The following KLHL8 variants were observed in gnomAD, a reference collection of about 807,000 sequenced individuals.
KLHL8 encodes the protein kelch like family member 8.
KLHL8 carries 38 observed loss-of-function variants against 63.5 expected under a neutral mutation model. The ratio of observed to expected loss-of-function variants is 0.60; its 90% CI spans 0.46 to 0.78. The LOEUF (loss-of-function observed/expected upper bound fraction) is 0.78, where lower values mean the gene tolerates loss of function less well. KLHL8 is among the 30% of genes least tolerant of loss of function. The pLI is 0.00. For synonymous variants in KLHL8, 224 were observed against 254.3 expected, an observed-to-expected ratio of 0.88 and a Z score of 1.13; for missense variants, 566 against 752.4, an observed-to-expected ratio of 0.75 and a Z score of 2.90.
intron 1 of KLHL8, among the ~76,000 whole-genome samples, chr4:87,202,704 C>T (rs190133650): frequency 1.2e-4 from 19 of 152,286 alleles, no homozygotes; most frequent in African/African-American, 4.6e-4. Context: ...TCTTCAAGCA[C>T]AGATGGTTTC....
intron 1 of KLHL8, among the ~76,000 whole-genome samples, chr4:87,197,194 C>T (rs374344368): frequency 2.0e-5 from 3 of 149,770 alleles, no homozygotes; most frequent in African/African-American, 7.3e-5. Context: ...GCAGGAAGAA[C>T]CTGTGACTTG....
intron 8 of KLHL8, chr4:87,167,122 G>T: frequency 2.2e-6 from 1 of 459,648 alleles, no homozygotes; most frequent in Non-Finnish European, 4.1e-6. Context: ...ATGGAATTCG[G>T]GAAACGTTAT....
At chr4:87,169,288 G>C (rs1227527433) in intron 8 of KLHL8, among the ~76,000 whole-genome samples, 1 of 152,116 alleles carries the variant, frequency 6.6e-6, no homozygotes, top group Non-Finnish European at 1.5e-5. Flanking sequence ...CTGGGTGACA[G>C]AGCAAAACTC....
At chr4:87,194,722 A>T (rs1731628181) in intron 2 of KLHL8, among the ~76,000 whole-genome samples, 1 of 152,232 alleles carries the variant, frequency 6.6e-6, no homozygotes, top group East Asian at 1.9e-4. Flanking sequence ...AATTTTATTA[A>T]AACTGGTTGC....
chr4:87,185,583 A>G lies in KLHL8; in HGVS notation c.433T>C (p.Cys145Arg). The change falls in exon 3 of 10, where the codon TGT (cysteine) becomes CGT (arginine). Residue 145 changes from cysteine to arginine, a missense_variant. Coordinates refer to ENST00000273963, the MANE Select transcript of KLHL8 (RefSeq NM_020803.5). Reference sequence around the variant, plus strand: ...GCCACCAGTTCAACCTGCAGAATACAGGCTGCATATAAGAGAGGCTGGACA... The same window carrying G: ...GCCACCAGTTCAACCTGCAGAATACGGGCTGCATATAAGAGAGGCTGGACA... The part of the protein sequence containing the change: ...DNVQPLLYAA[C>R]ILQVELVARA... 6.2e-7 allele frequency: 1 copy of G among 1,614,236 alleles called. No individual in the cohort carries two copies. The highest frequency in any genetic ancestry group is 8.5e-7 in the Non-Finnish European group (1 of 1,180,038).
chr4:87,214,601 T>C (rs1474147674), intron 1 of KLHL8, among the ~76,000 whole-genome samples: 4 of 151,708 alleles, frequency 2.6e-5, no homozygotes, highest in African/African-American at 4.8e-5. Context: ...CTCATAGCTA[T>C]GAAGTGCAAT....
chr4:87,220,244 G>A (rs1184246183), intron 1 of KLHL8, 174 bp downstream of exon 1: 6 of 152,334 alleles, frequency 3.9e-5, no homozygotes, highest in Non-Finnish European at 7.3e-5. Context: ...GTGGAGTTTC[G>A]GTTGGTGCAC....
At chr4:87,226,735 TTA>T (rs1283763552) in intron 1 of KLHL8, among the ~76,000 whole-genome samples, 1 of 20,684 alleles carries the variant, frequency 4.8e-5, no homozygotes, top group Non-Finnish European at 7.2e-5. Context: ...ATAATATATA[TTA>T]TTTATATATA....
At chr4:87,178,410 C>A (rs1730910795) in intron 5 of KLHL8, 67 bp downstream of exon 5, 5 of 1,412,960 alleles carry the variant, frequency 3.5e-6, no homozygotes, top group Admixed American at 2.6e-5. Flanking sequence ...AAAATAAATT[C>A]TCAGAGTTGA....
intron 4 of KLHL8, among the ~76,000 whole-genome samples, chr4:87,181,245 G>A (rs868271337): frequency 6.6e-6 from 1 of 151,098 alleles, no homozygotes; most frequent in Admixed American, 6.6e-5. Context: ...TAGCCAACAT[G>A]GTGAAACCCT....
intron 8 of KLHL8, chr4:87,167,275 G>A (rs1730440391): frequency 4.2e-6 from 2 of 472,616 alleles, no homozygotes; most frequent in Non-Finnish European, 8.1e-6. Flanking sequence ...CCATATTAGA[G>A]ACCGAATCAA....
At chr4:87,221,671 G>T (rs1027538711), upstream of KLHL8, among the ~76,000 whole-genome samples, 20 of 151,078 alleles carry the variant, frequency 1.3e-4, no homozygotes, top group African/African-American at 4.6e-4. Context: ...GATTTTAATA[G>T]AAATGAACAT....
chr4:87,219,117 A>G (rs1382204808), intron 1 of KLHL8, among the ~76,000 whole-genome samples: 1 of 152,244 alleles, frequency 6.6e-6, no homozygotes, highest in Non-Finnish European at 1.5e-5. Context: ...GACGAAATAA[A>G]TAAAGTGACT....
chr4:87,175,110 T>G (rs947213986), intron 6 of KLHL8, among the ~76,000 whole-genome samples: 14 of 152,228 alleles, frequency 9.2e-5, no homozygotes, highest in Non-Finnish European at 1.6e-4. Flanking sequence ...TTTCTATAGA[T>G]CTTATTTTCA....
chr4:87,213,328 G>A (rs1346302627), intron 1 of KLHL8, among the ~76,000 whole-genome samples: 2 of 152,168 alleles, frequency 1.3e-5, no homozygotes, highest in African/African-American at 4.8e-5. Flanking sequence ...TTGTACTTAA[G>A]ATAACAATGC....
upstream of KLHL8, among the ~76,000 whole-genome samples, chr4:87,223,448 A>G (rs982574811): frequency 1.2e-4 from 19 of 152,314 alleles, no homozygotes; most frequent in Non-Finnish European, 2.2e-4. Context: ...ATCGAAGAAC[A>G]TTTTTTGAGC....
chr4:87,191,998 T>C (rs1256285706), intron 2 of KLHL8, among the ~76,000 whole-genome samples: 1 of 152,224 alleles, frequency 6.6e-6, no homozygotes, highest in East Asian at 1.9e-4. Flanking sequence ...ACATTTTCCA[T>C]ATCCAATCCA....
chr4:87,176,164 C>G (rs1411800384), intron 6 of KLHL8, among the ~76,000 whole-genome samples: 2 of 152,162 alleles, frequency 1.3e-5, no homozygotes, highest in African/African-American at 4.8e-5. Flanking sequence ...TTATGGGAAG[C>G]CAGGTGCAGG....
At chr4:87,205,436 C>G (rs201564550) in intron 1 of KLHL8, among the ~76,000 whole-genome samples, 1 of 135,382 alleles carries the variant, frequency 7.4e-6, no homozygotes, top group Non-Finnish European at 1.6e-5. Flanking sequence ...CACACACACA[C>G]ACAAAGGAAG....
Sources: gnomAD v4.1 joint callset for allele counts (sites outside exome capture counted in the v4.1 genomes callset) on GRCh38, gnomAD v4.1.1 for gene constraint, MANE v1.5 for transcripts, NCBI Gene and HGNC (gene_info 2026-07-23, HGNC 2026-07-21) for gene names.